The following BCKDHB variants were observed in gnomAD, a reference collection of about 807,000 sequenced individuals.
BCKDHB encodes 2-oxoisovalerate dehydrogenase subunit beta, mitochondrial.
Under a neutral mutation model 48.5 loss-of-function variants are expected in BCKDHB, and 41 were observed. That is an observed-to-expected ratio of 0.85 (90% CI 0.66 to 1.10). BCKDHB has a LOEUF of 1.10. BCKDHB is among the 50% of genes least tolerant of loss of function. The pLI, the probability that BCKDHB is intolerant of heterozygous loss-of-function variation, is 0.00. For missense variants in BCKDHB, 496 were observed against 494.2 expected (o/e 1.00, Z -0.03); for synonymous variants, 201 against 174.8 (o/e 1.15, Z -1.18).
intron 3 of BCKDHB, among the ~76,000 whole-genome samples, chr6:80,161,399 GAA>G (rs1329666884): frequency 6.6e-6 from 1 of 151,812 alleles, no homozygotes; most frequent in Non-Finnish European, 1.5e-5. Context: ...TAGCTGAGTA[GAA>G]AGTAGAAAAA....
the BCKDHB span, chr6:80,454,015 A>G: frequency 6.6e-6 from 1 of 152,200 alleles, no homozygotes; most frequent in African/African-American, 2.4e-5. Context: ...GAGCCCTGTG[A>G]CATGAGCATT....
the BCKDHB span, among the ~76,000 whole-genome samples, chr6:80,389,220 C>G: frequency 2.0e-5 from 3 of 151,184 alleles, no homozygotes; most frequent in Non-Finnish European, 4.4e-5. Context: ...CCTGTTATCA[C>G]CTAATGGGCC....
At chr6:80,262,354 G>A (rs1320098971) in intron 8 of BCKDHB, among the ~76,000 whole-genome samples, 2 of 151,912 alleles carry the variant, frequency 1.3e-5, no homozygotes, top group South Asian at 2.1e-4. Context: ...TTTTTTGACC[G>A]TGGTAACACA....
At chr6:80,331,574 A>G (rs758285760) in intron 9 of BCKDHB, among the ~76,000 whole-genome samples, 2 of 152,204 alleles carry the variant, frequency 1.3e-5, no homozygotes, top group Non-Finnish European at 2.9e-5. Flanking sequence ...GCCCATCAAA[A>G]TCTGCTCAAG....
rs148664005 is a variant in BCKDHB at position 80,122,386 on chromosome 6, C to T, written c.197-5161C>T. On this transcript the variant is annotated intron_variant, in intron 1 of 9. Transcript: ENST00000320393. ...TCATAAAATGAGTTAGGGAGGATTC[C>T]TTCTTTTTCTATTGATTGGAATAGT... Among the ~76,000 whole-genome samples the T allele has an allele frequency of 1.2e-3, 186 of 152,304 alleles. 2 individuals are homozygous for T. The highest frequency in any genetic ancestry group is 2.3e-3 in the Non-Finnish European group (155 of 68,026).
chr6:80,447,449 TTA>T, the BCKDHB span, among the ~76,000 whole-genome samples: 93,621 of 147,874 alleles, frequency 0.63, 30,158 homozygotes, highest in African/African-American at 0.7. Flanking sequence ...ATATATACAG[TTA>T]TATATATATA....
At chr6:80,171,203 A>G in intron 5 of BCKDHB, 79 bp from the exon 6 acceptor site, 1 of 773,824 alleles carries the variant, frequency 1.3e-6, no homozygotes. Context: ...TTGATTATTT[A>G]AATATCAGCC....
the BCKDHB span, among the ~76,000 whole-genome samples, chr6:80,384,349 T>TTC: frequency 0.088 from 2,764 of 31,562 alleles, 50 homozygotes; most frequent in African/African-American, 0.22. Flanking sequence ...CTTCTTCTTC[T>TTC]TTTTTTTTTT....
chr6:80,321,232 T>C (rs1425087339), intron 9 of BCKDHB, among the ~76,000 whole-genome samples: 1 of 152,152 alleles, frequency 6.6e-6, no homozygotes, highest in Non-Finnish European at 1.5e-5. Flanking sequence ...GTACAGAATA[T>C]CAGTAGTGGT....
In BCKDHB at chr6:80,106,755, G is replaced by A. The variant is rs775435025; in HGVS notation, c.62G>A (p.Gly21Glu). 5 of 1,575,296 alleles carry A rather than the reference G, an allele frequency of 3.2e-6. No individual in the cohort carries two copies. The highest frequency in any genetic ancestry group is 4.3e-6 in the Non-Finnish European group (5 of 1,161,614). ...LLRLRAAGAE[G>E]HWRRLPGAGL... ...AGGCTCAGGGCGGCAGGGGCTGAGG[G>A]GCACTGGCGTCGGCTTCCTGGCGCG... The change falls in exon 1 of 10, where the codon GGG becomes GAG. Residue 21 changes from glycine to glutamate, a missense_variant. Gly to Glu is a moderately conservative substitution (Grantham distance 98). Transcript: ENST00000320393.
At chr6:80,334,768 T>G (rs1433859691) in intron 9 of BCKDHB, among the ~76,000 whole-genome samples, 2 of 151,912 alleles carry the variant, frequency 1.3e-5, no homozygotes, top group Admixed American at 6.6e-5. Context: ...TGCATTCTTT[T>G]AAACATACAC....
At chr6:80,186,273 C>G (rs573813799) in intron 6 of BCKDHB, among the ~76,000 whole-genome samples, 1 of 152,028 alleles carries the variant, frequency 6.6e-6, no homozygotes, top group Non-Finnish European at 1.5e-5. Context: ...CAGGGCTTGC[C>G]GAGGCCACTG....
At chr6:80,187,759 A>T (rs376627913) in intron 6 of BCKDHB, among the ~76,000 whole-genome samples, 9 of 152,308 alleles carry the variant, frequency 5.9e-5, no homozygotes, top group African/African-American at 1.9e-4. Context: ...GAGAAATGCA[A>T]ATCAAAACCA....
intron 1 of BCKDHB, among the ~76,000 whole-genome samples, chr6:80,123,410 T>C (rs1256019060): frequency 1.3e-5 from 2 of 152,220 alleles, no homozygotes; most frequent in East Asian, 3.8e-4. Context: ...TCCTCTGTCA[T>C]GGCTCCAGCC....
At chr6:80,174,514 G>C (rs1338692873) in intron 6 of BCKDHB, among the ~76,000 whole-genome samples, 2 of 152,086 alleles carry the variant, frequency 1.3e-5, no homozygotes, top group African/African-American at 4.8e-5. Context: ...CATAGGCCAT[G>C]AATGGTATAT....
rs77551813 is a variant in BCKDHB, at chr6:80,255,853, C to G, written c.952-17282C>G. ...GAAAATATGAAGGACATAAAGATGT[C>G]AGATGTACTATCCTAGTCACTAAAG... is the stretch of plus-strand genomic sequence containing the variant. On this transcript the variant is annotated intron_variant, in intron 8 of 9. Coordinates refer to ENST00000320393, the MANE Select transcript of BCKDHB (RefSeq NM_183050.4). Among the ~76,000 whole-genome samples, 903 of 152,300 alleles carry G rather than the reference C, an allele frequency of 5.9e-3. 11 individuals are homozygous for G. The highest frequency in any genetic ancestry group is 0.021 in the African/African-American group (865 of 41,564).
At chr6:80,449,883 T>C in the BCKDHB span, among the ~76,000 whole-genome samples, 48 of 152,342 alleles carry the variant, frequency 3.2e-4, 1 homozygote, top group East Asian at 5.6e-3. Flanking sequence ...TTAGCTTTTT[T>C]TTCTTCTTCT....
chr6:80,326,811 A>T (rs1769052441), intron 9 of BCKDHB, among the ~76,000 whole-genome samples: 1 of 152,166 alleles, frequency 6.6e-6, no homozygotes, highest in Non-Finnish European at 1.5e-5. Context: ...AGTTGCTGTG[A>T]GCTGAGATCG....
the BCKDHB span, chr6:80,441,309 C>T: frequency 1.3e-5 from 2 of 152,084 alleles, no homozygotes; most frequent in African/African-American, 4.8e-5. Flanking sequence ...TCAATTTGTT[C>T]ATAGTAACCA....
Sources: gnomAD v4.1 joint callset for allele counts (sites outside exome capture counted in the v4.1 genomes callset) on GRCh38, gnomAD v4.1.1 for gene constraint, MANE v1.5 for transcripts, NCBI Gene and HGNC (gene_info 2026-07-23, HGNC 2026-07-21) for gene names.